Variants in SVIL observed in about 807,000 individuals in gnomAD.
SVIL encodes supervillin.
SVIL carries 101 observed loss-of-function variants against 240.4 expected under a neutral mutation model. The observed-to-expected ratio is 0.42, with a 90% CI of 0.36 to 0.50. The LOEUF (loss-of-function observed/expected upper bound fraction) is 0.50. SVIL is among the 20% of genes least tolerant of loss of function. SVIL has a pLI of 0.01. For synonymous variants in SVIL, 999 were observed against 1,100.0 expected, an observed-to-expected ratio of 0.91 and a Z score of 1.82; for missense variants, 2,512 against 2,818.7, an observed-to-expected ratio of 0.89 and a Z score of 2.46.
intron 24 of SVIL, 75 bp downstream of exon 24, chr10:29,487,088 T>C: frequency 6.5e-7 from 1 of 1,538,890 alleles, no homozygotes; most frequent in Non-Finnish European, 8.8e-7. Flanking sequence ...GCTTTGTGAC[T>C]GACGTCAGGA....
In SVIL at chr10:29,551,150, T is replaced by C; in HGVS notation, c.274A>G (p.Thr92Ala). The part of the protein sequence containing the change: ...VHGDSPYGSG[T>A]MDTHSLESKA... ...GACTCCAGACTGTGGGTGTCCATGG[T>C]ACCCGAACCATAGGGTGAGTCACCG... Residue 92 changes from threonine (T) to alanine (A), a missense_variant, in exon 6 of 38, where the codon ACC becomes GCC. Transcript: ENST00000355867. 1 of 1,614,184 alleles carries C rather than the reference T, an allele frequency of 6.2e-7. No homozygotes were observed.
In SVIL at chr10:29,536,131, T is replaced by G. The variant is rs1391320118; in HGVS notation, c.828-62A>C. ...TTAAAACGTCAACATATACACAGACTTTACCATAACTTAAAACCTAAAGGC... is the reference window on the plus strand; with the variant it reads ...TTAAAACGTCAACATATACACAGACGTTACCATAACTTAAAACCTAAAGGC... On this transcript the variant is annotated intron_variant, in intron 6 of 37. Transcript: ENST00000355867. 2.0e-6 allele frequency: 3 copies of G among 1,494,122 alleles called. No individual in the cohort carries two copies. In the African/African-American group the frequency reaches 4.2e-5, roughly 21 times the overall value. The allele number at this position is 1,494,122 out of a possible 1,614,324, so 92.6% of individuals were successfully genotyped here.
At position 29,480,642 on chromosome 10, in the gene SVIL, G is replaced by A; in HGVS notation, c.5272C>T (p.His1758Tyr). ...EITSVSVDVW[H>Y]ILEFDYSRLP... The stretch of plus-strand genomic sequence containing the variant: ...CTGCTATAGTCGAATTCCAGGATGT[G>A]CCAGACATCCACGGAAACGCTGGTG... The change falls in exon 29 of 38, where the codon CAC becomes TAC. Residue 1758 changes from histidine to tyrosine, a missense_variant. Physicochemically the swap from His to Tyr is moderately conservative, Grantham distance 83. Around this residue, in one of 3 missense-constraint regions of SVIL, gnomAD observed 797 missense variants for 925.3 expected, o/e 0.86. Coordinates refer to ENST00000355867, the MANE Select transcript of SVIL (RefSeq NM_021738.3). 1 of 1,614,202 alleles carries A rather than the reference G, an allele frequency of 6.2e-7. No individual in the cohort carries two copies. Among genetic ancestry groups the A allele is most frequent in the Non-Finnish European group, 8.5e-7 (1 of 1,180,032 alleles).
At chr10:29,528,556 T>C (rs1315983356) in intron 12 of SVIL, among the ~76,000 whole-genome samples, 1 of 151,640 alleles carries the variant, frequency 6.6e-6, no homozygotes, top group Non-Finnish European at 1.5e-5. Flanking sequence ...CTGGGCAACA[T>C]GGCAAAACCC....
chr10:29,552,929 G>A (rs994688869), intron 5 of SVIL, among the ~76,000 whole-genome samples: 4 of 151,938 alleles, frequency 2.6e-5, no homozygotes, highest in South Asian at 2.1e-4. Context: ...GGTACACTAC[G>A]GTTTATTTCT....
chr10:29,597,922 AG>A (rs1308238985), intron 1 of SVIL, among the ~76,000 whole-genome samples: 1 of 152,116 alleles, frequency 6.6e-6, no homozygotes, highest in Non-Finnish European at 1.5e-5. Context: ...AATTAAAAGC[AG>A]GGTGTCACAG....
intron 1 of SVIL, among the ~76,000 whole-genome samples, chr10:29,599,469 G>T (rs1274620960): frequency 6.6e-6 from 1 of 151,544 alleles, no homozygotes; most frequent in Non-Finnish European, 1.5e-5. Flanking sequence ...AGGCTGGAGT[G>T]CAGAGGCATG....
At chr10:29,678,900 G>A (rs533334073) in intron 2 of SVIL, among the ~76,000 whole-genome samples, 29 of 152,254 alleles carry the variant, frequency 1.9e-4, no homozygotes, top group African/African-American at 6.0e-4. Context: ...AGCAGCCTGT[G>A]TATAAAATTA....
intron 6 of SVIL, among the ~76,000 whole-genome samples, chr10:29,542,572 T>C (rs1952258856): frequency 6.6e-6 from 1 of 152,182 alleles, no homozygotes; most frequent in South Asian, 2.1e-4. Context: ...TACGTATTTA[T>C]GGGGTATCTG....
chr10:29,713,048 G>A (rs975383995), intron 1 of SVIL, among the ~76,000 whole-genome samples: 6 of 151,916 alleles, frequency 3.9e-5, no homozygotes, highest in African/African-American at 9.7e-5. Flanking sequence ...GTGTGGTGGC[G>A]GGCACCTATA....
At chr10:29,641,039 T>A (rs926936045) in intron 3 of SVIL, among the ~76,000 whole-genome samples, 1 of 152,250 alleles carries the variant, frequency 6.6e-6, no homozygotes, top group African/African-American at 2.4e-5. Context: ...GTCTTTTTTA[T>A]ATTTTATGTT....
intron 3 of SVIL, among the ~76,000 whole-genome samples, chr10:29,656,112 G>A (rs527353457): frequency 5.3e-5 from 8 of 151,226 alleles, no homozygotes; most frequent in African/African-American, 1.9e-4. Context: ...CTCATGATCT[G>A]CCTGCCTCGG....
intron 1 of SVIL, among the ~76,000 whole-genome samples, chr10:29,687,753 A>T (rs1397407968): frequency 6.6e-6 from 1 of 152,242 alleles, no homozygotes; most frequent in African/African-American, 2.4e-5. Context: ...TCCCCCTTTA[A>T]GAAAAGGTAT....
chr10:29,533,921 C>T (rs1043565301), intron 7 of SVIL, among the ~76,000 whole-genome samples: 2 of 152,144 alleles, frequency 1.3e-5, no homozygotes, highest in Non-Finnish European at 1.5e-5. Flanking sequence ...ATTTCATTGT[C>T]GTCTGAAAAT....
intron 5 of SVIL, among the ~76,000 whole-genome samples, chr10:29,553,556 G>A (rs1953592818): frequency 7.4e-6 from 1 of 136,018 alleles, no homozygotes; most frequent in African/African-American, 2.9e-5. Flanking sequence ...ACTCCAGCCT[G>A]GGCGACAAGA....
intron 16 of SVIL, among the ~76,000 whole-genome samples, chr10:29,517,782 T>C (rs946917145): frequency 5.3e-5 from 8 of 152,230 alleles, no homozygotes; most frequent in Admixed American, 3.9e-4. Flanking sequence ...TCTTTTTTTC[T>C]TTTCAATAGT....
chr10:29,628,540 C>T (rs750889570), intron 1 of SVIL, among the ~76,000 whole-genome samples: 1 of 152,146 alleles, frequency 6.6e-6, no homozygotes, highest in South Asian at 2.1e-4. Flanking sequence ...CAGAAAGAAA[C>T]GAGAGGCCTC....
rs142902308 is a variant in SVIL at position 29,666,410 on chromosome 10, C to T, written c.-300-8342G>A. 9.7e-4 allele frequency among the ~76,000 whole-genome samples: 147 copies of T among 152,316 alleles called. 1 individual carries two copies. The highest frequency in any genetic ancestry group is 3.4e-3 in the African/African-American group (142 of 41,548). ...TGCCTGGGGCAAAAAGGATCTTTGT[C>T]ACTGCAAAAGTCCCAACATAGTTTT... On this transcript the variant is annotated intron_variant, in intron 2 of 35. Transcript: ENST00000375400.
At chr10:29,511,702 G>A (rs1220362227) in intron 17 of SVIL, among the ~76,000 whole-genome samples, 1 of 152,160 alleles carries the variant, frequency 6.6e-6, no homozygotes, top group East Asian at 1.9e-4. Flanking sequence ...AATGTCTTTA[G>A]TTAAATCATC....
Sources: allele counts gnomAD v4.1 joint callset (sites outside exome capture counted in the v4.1 genomes callset), GRCh38; gene constraint gnomAD v4.1.1; regional missense constraint gnomAD v4.1.1; transcripts MANE v1.5; gene names NCBI Gene and HGNC (gene_info 2026-07-23, HGNC 2026-07-21).